COL24A1: variants seen among roughly 807,000 people sequenced by gnomAD.
The protein encoded by COL24A1 is collagen alpha-1(XXIV) chain.
COL24A1 carries 224 observed loss-of-function variants against 253.9 expected under a neutral mutation model. That is an observed-to-expected ratio of 0.88 (90% CI 0.79 to 0.99). The LOEUF is 0.99. Among genes scored for constraint, COL24A1 ranks in the 50% least tolerant of loss-of-function variants. The probability of loss-of-function intolerance (pLI) is 0.00; values close to 1 mark genes in which losing one functional copy is unlikely to be tolerated. For missense variants in COL24A1, 2,131 were observed against 2,068.5 expected (o/e 1.03, Z -0.59); for synonymous variants, 685 against 673.7 (o/e 1.02, Z -0.26).
chr1:86,026,996 T>G (rs1698093228), intron 14 of COL24A1, among the ~76,000 whole-genome samples: 2 of 152,290 alleles, frequency 1.3e-5, no homozygotes, highest in South Asian at 4.1e-4. Context: ...TGCCCTGCCC[T>G]AAAGTTCTGT....
intron 14 of COL24A1, among the ~76,000 whole-genome samples, chr1:86,025,041 A>AAAAATAAAG (rs1445744818): frequency 2.0e-5 from 3 of 152,162 alleles, no homozygotes; most frequent in Non-Finnish European, 2.9e-5. Context: ...ATGAACTTAG[A>AAAAATAAAG]AAAATAAAGA....
At chr1:85,801,196 G>T (rs1179295503) in intron 47 of COL24A1, among the ~76,000 whole-genome samples, 2 of 152,066 alleles carry the variant, frequency 1.3e-5, no homozygotes, top group African/African-American at 4.8e-5. Flanking sequence ...CTCACAGCTT[G>T]GTTCTGGACC....
chr1:86,129,890 T>C (rs1999748), intron 2 of COL24A1, among the ~76,000 whole-genome samples: 82,774 of 151,462 alleles, frequency 0.55, 23,034 homozygotes, highest in Non-Finnish European at 0.62. Context: ...TTGTACCTCA[T>C]TGTTTATGTT....
At chr1:86,048,993 G>A (rs936640373) in intron 11 of COL24A1, among the ~76,000 whole-genome samples, 2 of 152,114 alleles carry the variant, frequency 1.3e-5, no homozygotes, top group Non-Finnish European at 2.9e-5. Flanking sequence ...TTGTTATCAC[G>A]AACAGCAGAG....
intron 12 of COL24A1, among the ~76,000 whole-genome samples, chr1:86,040,152 C>T (rs866523139): frequency 1.3e-5 from 2 of 152,210 alleles, no homozygotes; most frequent in Non-Finnish European, 1.5e-5. Flanking sequence ...TGGTATACAA[C>T]ATCATGTTCT....
chr1:85,993,132 C>G (rs1057379346), intron 19 of COL24A1, among the ~76,000 whole-genome samples: 1 of 151,876 alleles, frequency 6.6e-6, no homozygotes, highest in Non-Finnish European at 1.5e-5. Context: ...CATTAGTTTC[C>G]TGGGAAATCA....
rs183014009 is a variant in COL24A1 at position 85,871,923 on chromosome 1, T to C, written c.3138+2726A>G. On this transcript the variant is annotated intron_variant, in intron 35 of 59. Coordinates refer to ENST00000370571, the MANE Select transcript of COL24A1 (RefSeq NM_152890.7). Reference sequence around the variant, plus strand: ...AAGTCAAATTGTCCCTGTTTGCAGATGACATGATTGTATATTTAGAAAACC... The same window carrying C: ...AAGTCAAATTGTCCCTGTTTGCAGACGACATGATTGTATATTTAGAAAACC... Among the ~76,000 whole-genome samples, 891 of 152,274 alleles carry C rather than the reference T, an allele frequency of 5.9e-3. 8 individuals are homozygous for C. The highest frequency in any genetic ancestry group is 0.021 in the African/African-American group (860 of 41,552).
Position 86,126,066 on chromosome 1 carries a change from G to T in COL24A1, c.270C>A (p.Ile90=), listed in dbSNP as rs1008596400. 6.2e-7 allele frequency: 1 copy of T among 1,613,498 alleles called. No homozygotes were observed. Among genetic ancestry groups the T allele is most frequent in the Non-Finnish European group, 8.5e-7 (1 of 1,179,758 alleles). The change falls in exon 3 of 60, where the codon ATC becomes ATA. Residue 90 remains isoleucine, a synonymous_variant. Coordinates refer to ENST00000370571, the MANE Select transcript of COL24A1 (RefSeq NM_152890.7). The part of the protein sequence containing the change: ...SGVIFKNDAY[I]ETPFVKILPV... Reference sequence around the variant, plus strand: ...GTAAAATTTTCACGAAAGGTGTCTCGATATAAGCATCATTTTTAAAAATGA... The same window carrying T: ...GTAAAATTTTCACGAAAGGTGTCTCTATATAAGCATCATTTTTAAAAATGA...
At position 85,775,697 on chromosome 1, in the gene COL24A1, C is replaced by A; in HGVS notation, c.4351G>T (p.Glu1451Ter). Residue 1451 changes from glutamate to a stop codon, truncating the protein, a stop_gained, in exon 53 of 60, where the codon GAA becomes TAA. Transcript: ENST00000370571. LOFTEE classifies it high-confidence loss of function. ...ACAGTTTCACCTCTAAAGCCCTTTT[C>A]ACCTCTGGGTCCCTAAAAGAAAAAA... ...GPTGRTGPRG[E>*]KGFRGETGPQ... 2 of 1,606,994 alleles carry A rather than the reference C, an allele frequency of 1.2e-6. No homozygotes were observed. The highest frequency in any genetic ancestry group is 1.7e-6 in the Non-Finnish European group (2 of 1,177,690).
chr1:86,080,629 A>G (rs1702570133), intron 7 of COL24A1, among the ~76,000 whole-genome samples: 1 of 152,080 alleles, frequency 6.6e-6, no homozygotes, highest in Admixed American at 6.5e-5. Context: ...ATAATAAATG[A>G]AGCCTATAAT....
chr1:85,784,487 A>C, intron 48 of COL24A1, 121 bp from the exon 49 acceptor site: 2 of 633,518 alleles, frequency 3.2e-6, no homozygotes, highest in Non-Finnish European at 2.7e-6. Context: ...GGCACTGGGG[A>C]AATCAAATTT....
chr1:85,983,346 C>G (rs189045799), intron 20 of COL24A1, among the ~76,000 whole-genome samples: 2 of 151,752 alleles, frequency 1.3e-5, no homozygotes, highest in Non-Finnish European at 3.0e-5. Flanking sequence ...CTCAAAAAGG[C>G]TTACTGATGT....
intron 10 of COL24A1, among the ~76,000 whole-genome samples, chr1:86,053,592 G>T (rs1249399146): frequency 2.6e-5 from 4 of 152,036 alleles, no homozygotes; most frequent in Admixed American, 6.6e-5. Context: ...TTTTTGGTTT[G>T]AAGGTTGTAG....
chr1:85,766,800 T>C (rs970813001), intron 53 of COL24A1, among the ~76,000 whole-genome samples: 5 of 152,064 alleles, frequency 3.3e-5, no homozygotes, highest in Non-Finnish European at 7.4e-5. Context: ...TTTTCCTCCA[T>C]GGAAAATTTT....
Position 85,842,385 on chromosome 1 carries a change from T to A in COL24A1, c.3471A>T (p.Leu1157Phe), listed in dbSNP as rs1365346425. The change falls in exon 40 of 60, where the codon TTA (leucine) becomes TTT (phenylalanine). Residue 1157 changes from leucine to phenylalanine, a missense_variant. By Grantham distance (22) the Leu-to-Phe change is conservative (BLOSUM62 0). Transcript: ENST00000370571. ...GTTCTCCATCAGGTCCCATCAATCC[T>A]AAATGTCCCTGAAAAACAAAGTAAA... ...ARGTRGAVGH[L>F]GLMGPDGEPG... 1 of 1,598,152 alleles carries A rather than the reference T, an allele frequency of 6.3e-7. No individual in the cohort carries two copies. Among genetic ancestry groups the A allele is most frequent in the African/African-American group, 1.3e-5 (1 of 74,230 alleles).
Position 86,125,922 on chromosome 1 carries a change from T to C in COL24A1, c.414A>G (p.Leu138=), listed in dbSNP as rs1648209054. 1 of 1,613,402 alleles carries C rather than the reference T, an allele frequency of 6.2e-7. No homozygotes were observed. Among genetic ancestry groups the C allele is most frequent in the African/African-American group, 1.3e-5 (1 of 74,992 alleles). ...TAATGTGTACTACTAATTTTTTAGG[T>C]AGTAATTGTACTCCTAATTGCAGTC... ...KNRLQLGVQL[L]PKKLVVHIRG... The change falls in exon 3 of 60, where the codon CTA becomes CTG. Residue 138 remains leucine, a synonymous_variant. Coordinates refer to ENST00000370571, the MANE Select transcript of COL24A1 (RefSeq NM_152890.7).
intron 47 of COL24A1, among the ~76,000 whole-genome samples, chr1:85,789,493 T>G (rs115916147): frequency 0.016 from 2,460 of 152,216 alleles, 47 homozygotes; most frequent in Middle Eastern, 0.034. Flanking sequence ...TATAGGATCA[T>G]TCATCTGCAA....
intron 4 of COL24A1, among the ~76,000 whole-genome samples, chr1:86,114,127 A>C (rs1191324414): frequency 6.6e-6 from 1 of 152,204 alleles, no homozygotes; most frequent in Admixed American, 6.5e-5. Context: ...TTGTTGCCAA[A>C]TAATATAAAA....
At chr1:85,757,989 G>C (rs1293190497) in intron 55 of COL24A1, among the ~76,000 whole-genome samples, 1 of 152,094 alleles carries the variant, frequency 6.6e-6, no homozygotes, top group Non-Finnish European at 1.5e-5. Flanking sequence ...AATAAAGATT[G>C]ATTATATGTT....
Sources: gnomAD v4.1 joint callset for allele counts (sites outside exome capture counted in the v4.1 genomes callset) on GRCh38, gnomAD v4.1.1 for gene constraint, MANE v1.5 for transcripts, NCBI Gene and HGNC (gene_info 2026-07-23, HGNC 2026-07-21) for gene names.